The following RFX2 variants were observed in gnomAD, a reference collection of about 807,000 sequenced individuals.
RFX2 encodes the protein regulatory factor X2.
RFX2 carries 20 observed loss-of-function variants against 87.8 expected under a neutral mutation model. That is an observed-to-expected ratio of 0.23 (90% CI 0.16 to 0.33). RFX2 has a LOEUF of 0.33. Among genes scored for constraint, RFX2 ranks in the 10% least tolerant of loss-of-function variants. The pLI is 1.00. For missense variants in RFX2, 767 were observed against 1,012.3 expected, an observed-to-expected ratio of 0.76 and a Z score of 3.29; for synonymous variants, 397 against 431.3, an observed-to-expected ratio of 0.92 and a Z score of 0.98.
Position 6,002,922 on chromosome 19 carries a change from G to T in RFX2, c.1501-52C>A. On this transcript the variant is annotated intron_variant, in intron 13 of 17. Transcript: ENST00000303657. This position sits in a 1 kb window ranked among gnomAD's most constrained non-coding sequence, Gnocchi z 6.7. ...GGGGTTCGCAGGGAGAGCCTGTTCCGCTGCGCTCCTTGCAGGGGTGTGTGG... is the reference window on the plus strand; with the variant it reads ...GGGGTTCGCAGGGAGAGCCTGTTCCTCTGCGCTCCTTGCAGGGGTGTGTGG... 6.4e-7 allele frequency: 1 copy of T among 1,555,404 alleles called. No homozygotes were observed. Among genetic ancestry groups the T allele is most frequent in the Non-Finnish European group, 8.7e-7 (1 of 1,154,576 alleles).
intron 1 of RFX2, among the ~76,000 whole-genome samples, chr19:6,069,419 T>C (rs2087561529): frequency 6.6e-6 from 1 of 152,080 alleles, no homozygotes; most frequent in South Asian, 2.1e-4. Context: ...GAGCCATCAG[T>C]GTATAGAGAA....
rs75499120 is a variant in RFX2, at chr19:5,997,105, G to A, written c.1968C>T (p.Arg656=). Reference sequence around the variant, plus strand: ...GCGTCTCTCCGGTGGCCTCCGCGACGCGGTGCTCCACCAGGTAGAACATGT... The same window carrying A: ...GCGTCTCTCCGGTGGCCTCCGCGACACGGTGCTCCACCAGGTAGAACATGT... The part of the protein sequence containing the change: ...DEYMFYLVEH[R]VAEATGETPI... Residue 656 remains arginine, a synonymous_variant, in exon 16 of 18, where the codon CGC becomes CGT. Coordinates refer to ENST00000303657, the MANE Select transcript of RFX2 (RefSeq NM_000635.4). The surrounding 1 kb of genome is among the most constrained non-coding windows in gnomAD (Gnocchi z 4.2). 3.5e-4 allele frequency: 560 copies of A among 1,613,444 alleles called. 6 individuals are homozygous for A. The East Asian group carries it at 0.011, about 31-fold the overall frequency.
Position 6,011,234 on chromosome 19 carries a change from C to T in RFX2, c.900-983G>A, listed in dbSNP as rs1568504926. Among the ~76,000 whole-genome samples, 1 of 152,226 alleles carries T rather than the reference C, an allele frequency of 6.6e-6. No homozygotes were observed. Among genetic ancestry groups the T allele is most frequent in the South Asian group, 2.1e-4 (1 of 4,832 alleles). ...GCAATCTTAGAAGTTCTGAGACTTT[C>T]ATTTTGAGCCAGATGGTGGTGGCCA... On this transcript the variant is annotated intron_variant, in intron 8 of 17. Coordinates refer to ENST00000303657, the MANE Select transcript of RFX2 (RefSeq NM_000635.4). The surrounding 1 kb of genome is among the most constrained non-coding windows in gnomAD (Gnocchi z 4.8).
In RFX2 at chr19:5,997,022, G is replaced by A. The variant is rs375523194; in HGVS notation, c.2013+38C>T. The A allele has an allele frequency of 4.1e-5, 65 of 1,581,652 alleles. No individual in the cohort carries two copies. Among genetic ancestry groups the A allele is most frequent in the South Asian group, 4.1e-4 (36 of 87,878 alleles). On this transcript the variant is annotated intron_variant, in intron 16 of 17. Coordinates refer to ENST00000303657, the MANE Select transcript of RFX2 (RefSeq NM_000635.4). The surrounding 1 kb of genome is among the most constrained non-coding windows in gnomAD (Gnocchi z 4.2). The stretch of plus-strand genomic sequence containing the variant: ...CACACCGCCCTCTCCCCACAGGCCC[G>A]GCCAAGCCCCGGCCGTCCCACCCAG...
At chr19:6,003,473 C>T (rs2086522827) in intron 13 of RFX2, among the ~76,000 whole-genome samples, 1 of 152,086 alleles carries the variant, frequency 6.6e-6, no homozygotes, top group African/African-American at 2.4e-5. Flanking sequence ...CACCCAAGAG[C>T]CCTTCAGGAA....
chr19:6,032,259 C>T (rs2086962849), intron 5 of RFX2, among the ~76,000 whole-genome samples: 1 of 151,978 alleles, frequency 6.6e-6, no homozygotes, highest in Non-Finnish European at 1.5e-5. Context: ...GTAGCTGAGA[C>T]TACAGGTGCG....
At chr19:6,098,839 A>G (rs72992740) in intron 1 of RFX2, among the ~76,000 whole-genome samples, 6,295 of 152,194 alleles carry the variant, frequency 0.041, 202 homozygotes, top group Non-Finnish European at 0.066. Flanking sequence ...AAGTGAGTAA[A>G]TTTTATGTAA....
chr19:6,047,586 G>C lies in RFX2; in HGVS notation c.-8-82C>G, dbSNP rs2087212199. 3.6e-6 allele frequency: 4 copies of C among 1,104,606 alleles called. No homozygotes were observed. Among genetic ancestry groups the C allele is most frequent in the Non-Finnish European group, 5.3e-6 (4 of 748,384 alleles). The allele number at this position is 1,104,606 out of a possible 1,614,324, so 68.4% of individuals were successfully genotyped here. On this transcript the variant is annotated intron_variant, in intron 1 of 17. Coordinates refer to ENST00000303657, the MANE Select transcript of RFX2 (RefSeq NM_000635.4). This position sits in a 1 kb window ranked among gnomAD's most constrained non-coding sequence, Gnocchi z 4.2. ...AGAGGCAACTAACAAGTTCAAGGGA[G>C]GGAAGGAGTAACCAGCTACATTCTT...
Position 6,024,142 on chromosome 19 carries a change from CA to C in RFX2, c.597+2020del, listed in dbSNP as rs2086855725. Among the ~76,000 whole-genome samples the C allele has an allele frequency of 6.6e-6, 1 of 152,244 alleles. No individual in the cohort carries two copies. Among genetic ancestry groups the C allele is most frequent in the Admixed American group, 6.5e-5 (1 of 15,282 alleles). On this transcript the variant is annotated intron_variant, in intron 6 of 17. Coordinates refer to ENST00000303657, the MANE Select transcript of RFX2 (RefSeq NM_000635.4). The surrounding 1 kb of genome is among the most constrained non-coding windows in gnomAD (Gnocchi z 5.0). ...GCTGCCTGTCCAGGCTCTGCACCCC[CA>C]TCCTGCCTGGGTCACGCAGCCCTCT...
rs2144772494 is a variant in RFX2 at position 6,044,319 on chromosome 19, C to G, written c.91-37G>C. The G allele has an allele frequency of 7.5e-7, 1 of 1,341,276 alleles. No individual in the cohort carries two copies. Among genetic ancestry groups the G allele is most frequent in the Non-Finnish European group, 1.0e-6 (1 of 992,478 alleles). 83.1% of individuals were successfully genotyped at this position (1,341,276 alleles called of 1,614,324 possible). On this transcript the variant is annotated intron_variant, in intron 2 of 17. Coordinates refer to ENST00000303657, the MANE Select transcript of RFX2 (RefSeq NM_000635.4). This position sits in a 1 kb window ranked among gnomAD's most constrained non-coding sequence, Gnocchi z 5.3. ...GGGAGAGAAGGCCAGTTAGACTTGT[C>G]AGAGGTCAGTGCTGAGGATACACAC...
intron 5 of RFX2, among the ~76,000 whole-genome samples, chr19:6,034,590 G>A (rs889660307): frequency 1.3e-5 from 2 of 151,372 alleles, no homozygotes; most frequent in East Asian, 2.0e-4. Flanking sequence ...TTGAACTCCC[G>A]GGCTCAGGTG....
At chr19:6,041,111 C>T (rs1269228162) in intron 4 of RFX2, among the ~76,000 whole-genome samples, 4 of 152,120 alleles carry the variant, frequency 2.6e-5, no homozygotes, top group Admixed American at 2.6e-4. Context: ...TTCTGTAGCC[C>T]AGACTTGAGT....
rs994743560 is a variant in RFX2, at chr19:6,024,753, C to T, written c.597+1410G>A. Among the ~76,000 whole-genome samples, 4 of 150,700 alleles carry T rather than the reference C, an allele frequency of 2.7e-5. No individual in the cohort carries two copies. Among genetic ancestry groups the T allele is most frequent in the African/African-American group, 7.4e-5 (3 of 40,816 alleles). On this transcript the variant is annotated intron_variant, in intron 6 of 17. Transcript: ENST00000303657. This position sits in a 1 kb window ranked among gnomAD's most constrained non-coding sequence, Gnocchi z 5.0. ...AGTGAGGACGGGATCACGGTGAGGA[C>T]GGGAGTGAGGACGGGATCACGGTGA...
intron 2 of RFX2, among the ~76,000 whole-genome samples, chr19:6,046,276 T>C (rs2087187918): frequency 6.6e-6 from 1 of 152,174 alleles, no homozygotes; most frequent in Non-Finnish European, 1.5e-5. Flanking sequence ...TTGAACAAAA[T>C]CTTAAGAATT....
chr19:6,024,246 T>C lies in RFX2; in HGVS notation c.597+1917A>G, dbSNP rs2086857049. ...GGCCTGATCCTTGCTGAATGGGGAA[T>C]GGTATTCTGCACATTTTCCCATGTA... On this transcript the variant is annotated intron_variant, in intron 6 of 17. Transcript: ENST00000303657. The surrounding 1 kb of genome is among the most constrained non-coding windows in gnomAD (Gnocchi z 5.0). Among the ~76,000 whole-genome samples the C allele has an allele frequency of 1.3e-5, 2 of 152,146 alleles. No homozygotes were observed. Among genetic ancestry groups the C allele is most frequent in the Admixed American group, 1.3e-4 (2 of 15,272 alleles).
chr19:6,043,049 A>G (rs2087133353), intron 3 of RFX2, among the ~76,000 whole-genome samples: 1 of 152,322 alleles, frequency 6.6e-6, no homozygotes, highest in Admixed American at 6.5e-5. Flanking sequence ...GCACTTGTCC[A>G]ACGCACCACC....
At chr19:6,086,179 G>A (rs767190464) in intron 1 of RFX2, among the ~76,000 whole-genome samples, 5 of 151,096 alleles carry the variant, frequency 3.3e-5, no homozygotes, top group Non-Finnish European at 5.9e-5. Context: ...ATCATTTATT[G>A]GAAAGACTGT....
At chr19:6,025,950 T>C (rs1474303268) in intron 6 of RFX2, among the ~76,000 whole-genome samples, 1 of 151,920 alleles carries the variant, frequency 6.6e-6, no homozygotes, top group Non-Finnish European at 1.5e-5. Flanking sequence ...CATGCCCAGC[T>C]AATTTTTCTA....
intron 1 of RFX2, among the ~76,000 whole-genome samples, chr19:6,087,940 G>A (rs2087877362): frequency 2.0e-5 from 3 of 152,092 alleles, no homozygotes; most frequent in Admixed American, 6.5e-5. Flanking sequence ...TCATCATCTA[G>A]AGCAGTAATT....
Sources: allele counts gnomAD v4.1 joint callset (sites outside exome capture counted in the v4.1 genomes callset), GRCh38; gene constraint gnomAD v4.1.1; non-coding constraint Gnocchi (gnomAD v3.1); transcripts MANE v1.5; gene names NCBI Gene and HGNC (gene_info 2026-07-23, HGNC 2026-07-21).